Variants in TRAPPC9 observed in about 807,000 individuals in gnomAD.
TRAPPC9 encodes the protein trafficking protein particle complex subunit 9.
TRAPPC9 carries 83 observed loss-of-function variants against 124.0 expected under a neutral mutation model. The ratio of observed to expected loss-of-function variants is 0.67; its 90% CI spans 0.56 to 0.80. The LOEUF (loss-of-function observed/expected upper bound fraction) is 0.80, where lower values mean the gene tolerates loss of function less well. TRAPPC9 is among the 30% of genes least tolerant of loss of function. The pLI, the probability that TRAPPC9 is intolerant of heterozygous loss-of-function variation, is 0.00. For synonymous variants in TRAPPC9, 638 were observed against 617.5 expected, an observed-to-expected ratio of 1.03 and a Z score of -0.49; for missense variants, 1,302 against 1,508.3, an observed-to-expected ratio of 0.86 and a Z score of 2.27.
chr8:139,976,655 C>T (rs372334010), intron 19 of TRAPPC9, among the ~76,000 whole-genome samples: 19 of 152,332 alleles, frequency 1.2e-4, no homozygotes, highest in Non-Finnish European at 2.6e-4. Flanking sequence ...GCTGAGAAAA[C>T]GCTCCCATCA....
chr8:139,908,242 GC>G (rs1831488047), intron 20 of TRAPPC9, among the ~76,000 whole-genome samples: 1 of 152,126 alleles, frequency 6.6e-6, no homozygotes, highest in African/African-American at 2.4e-5. Flanking sequence ...CTCCTGCCAG[GC>G]CCACCATGCA....
In TRAPPC9 at chr8:140,287,694, G is replaced by T. The variant is rs780799731; in HGVS notation, c.1895C>A (p.Ala632Glu). 1.2e-6 allele frequency: 2 copies of T among 1,614,160 alleles called. No individual in the cohort carries two copies. Among genetic ancestry groups the T allele is most frequent in the Non-Finnish European group, 8.5e-7 (1 of 1,180,022 alleles). The change falls in exon 13 of 23, where the codon GCG becomes GAG. Residue 632 changes from alanine to glutamate, a missense_variant. Physicochemically the swap from Ala to Glu is moderately radical, Grantham distance 107. Transcript: ENST00000438773. ...TSGVEFESLP[A>E]ALSLPAESGL... ...AGATTCAGCCGGAAGAGAAAGCGCC[G>T]CAGGGAGAGACTCGAACTCCACTCC...
intron 17 of TRAPPC9, among the ~76,000 whole-genome samples, chr8:140,074,099 C>T (rs541525071): frequency 8.6e-4 from 131 of 152,276 alleles, no homozygotes; most frequent in African/African-American, 2.9e-3. Context: ...GAAGTGCTCC[C>T]GATCACGGAC....
At chr8:140,166,907 G>A (rs1029785918) in intron 17 of TRAPPC9, among the ~76,000 whole-genome samples, 2 of 152,238 alleles carry the variant, frequency 1.3e-5, no homozygotes, top group African/African-American at 4.8e-5. Flanking sequence ...AAGAACTGGT[G>A]CTGCCTCCAC....
At chr8:139,930,329 G>A (rs1587252774) in intron 19 of TRAPPC9, among the ~76,000 whole-genome samples, 1 of 152,224 alleles carries the variant, frequency 6.6e-6, no homozygotes, top group African/African-American at 2.4e-5. Context: ...ACAAGATACA[G>A]CCAAGGTGAG....
intron 21 of TRAPPC9, among the ~76,000 whole-genome samples, chr8:139,791,671 TG>T (rs1263186813): frequency 4.7e-4 from 72 of 152,306 alleles, no homozygotes. Flanking sequence ...CCTTCTAGCC[TG>T]GATGTTGTAT....
At chr8:139,754,773 C>A (rs1174622185) in intron 21 of TRAPPC9, among the ~76,000 whole-genome samples, 1 of 152,250 alleles carries the variant, frequency 6.6e-6, no homozygotes, top group Non-Finnish European at 1.5e-5. Context: ...CTGAACAGCA[C>A]ATCTTCCTCC....
intron 17 of TRAPPC9, among the ~76,000 whole-genome samples, chr8:140,101,541 G>GTTTTTTTTTTTTTTTTT (rs11387005): frequency 8.7e-6 from 1 of 114,958 alleles, no homozygotes. Flanking sequence ...TCTTTTTTTT[G>GTTTTTTTTTTTTTTTTT]TTTTTTTTTT....
At chr8:139,765,531 G>C (rs777806332) in intron 21 of TRAPPC9, among the ~76,000 whole-genome samples, 7 of 152,228 alleles carry the variant, frequency 4.6e-5, no homozygotes, top group African/African-American at 7.2e-5. Flanking sequence ...TTAGAGTTAA[G>C]GGAAGAACAG....
chr8:139,798,117 GTCTTCCAATCCATGA>G (rs1413946392), intron 21 of TRAPPC9, among the ~76,000 whole-genome samples: 1 of 152,148 alleles, frequency 6.6e-6, no homozygotes, highest in African/African-American at 2.4e-5. Context: ...ACAAAATTAA[GTCTTCCAATCCATGA>G]ACACAGGGTG....
intron 9 of TRAPPC9, among the ~76,000 whole-genome samples, chr8:140,345,724 G>T (rs905457168): frequency 6.6e-6 from 1 of 152,186 alleles, no homozygotes; most frequent in Non-Finnish European, 1.5e-5. Context: ...CTCCATATGA[G>T]AAGGTTAAGG....
At chr8:139,843,465 G>A (rs1157071768) in intron 21 of TRAPPC9, among the ~76,000 whole-genome samples, 2 of 152,172 alleles carry the variant, frequency 1.3e-5, no homozygotes, top group South Asian at 2.1e-4. Flanking sequence ...TAGGCAGAAC[G>A]ATCCCTCCCA....
chr8:140,033,658 G>GTTTTTTTTTTTTTTTTTTTGTTT (rs1840652480), intron 17 of TRAPPC9, among the ~76,000 whole-genome samples: 1 of 42,398 alleles, frequency 2.4e-5, no homozygotes, highest in Non-Finnish European at 5.5e-5. Context: ...TCATAATGTG[G>GTTTTTTTTTTTTTTTTTTTGTTT]TTTTTTTTTT....
Position 139,772,023 on chromosome 8 carries a change from G to A in TRAPPC9, c.3056-39821C>T, listed in dbSNP as rs754056734. ...TTTAATGGAGACTTAATTATGCTGC[G>A]GCCTGGTGTGGAGGATGGATGGGGC... is the stretch of plus-strand genomic sequence containing the variant. On this transcript the variant is annotated intron_variant, in intron 21 of 22. Coordinates refer to ENST00000438773, the MANE Select transcript of TRAPPC9 (RefSeq NM_001160372.4). 2.4e-4 allele frequency among the ~76,000 whole-genome samples: 37 copies of A among 152,310 alleles called. 1 individual carries two copies. Among genetic ancestry groups the A allele is most frequent in the Non-Finnish European group, 1.3e-4 (9 of 68,022 alleles).
intron 21 of TRAPPC9, among the ~76,000 whole-genome samples, chr8:139,796,163 G>C (rs113799147): frequency 0.079 from 11,992 of 151,640 alleles, 567 homozygotes; most frequent in East Asian, 0.14. Context: ...AGGAAGAGGA[G>C]GAGGAGGAGG....
chr8:139,858,359 G>A lies in TRAPPC9; in HGVS notation c.3055+27520C>T, dbSNP rs539144380. 3.3e-5 allele frequency among the ~76,000 whole-genome samples: 5 copies of A among 152,318 alleles called. No homozygotes were observed. In the South Asian group the frequency reaches 6.2e-4, roughly 19 times the overall value. Reference sequence around the variant, plus strand: ...TGTGCATCTTTGCGTGATGCTTGCCGTGCCTCCCCGGGGCCTCCGCCCAGC... The same window carrying A: ...TGTGCATCTTTGCGTGATGCTTGCCATGCCTCCCCGGGGCCTCCGCCCAGC... On this transcript the variant is annotated intron_variant, in intron 21 of 22. Coordinates refer to ENST00000438773, the MANE Select transcript of TRAPPC9 (RefSeq NM_001160372.4).
intron 21 of TRAPPC9, among the ~76,000 whole-genome samples, chr8:139,792,757 C>T (rs977013534): frequency 2.0e-5 from 3 of 152,222 alleles, no homozygotes; most frequent in African/African-American, 7.2e-5. Flanking sequence ...CCACGGCCGG[C>T]GAGGGATGGG....
intron 21 of TRAPPC9, among the ~76,000 whole-genome samples, chr8:139,756,742 GTTGGGGT>G (rs1819836554): frequency 7.4e-6 from 1 of 134,438 alleles, no homozygotes; most frequent in Non-Finnish European, 1.6e-5. Flanking sequence ...AGGAGCCAGG[GTTGGGGT>G]ATAAGGACAG....
At chr8:139,998,856 G>A (rs1202094434) in intron 18 of TRAPPC9, among the ~76,000 whole-genome samples, 2 of 152,036 alleles carry the variant, frequency 1.3e-5, no homozygotes, top group Non-Finnish European at 2.9e-5. Flanking sequence ...ACATGAGGAG[G>A]GGAAAGATAA....
Sources: gnomAD v4.1 joint callset for allele counts (sites outside exome capture counted in the v4.1 genomes callset) on GRCh38, gnomAD v4.1.1 for gene constraint, MANE v1.5 for transcripts, NCBI Gene and HGNC (gene_info 2026-07-23, HGNC 2026-07-21) for gene names.